Variants in FHOD3 observed in about 807,000 individuals in gnomAD.
The protein encoded by FHOD3 is FH1/FH2 domain-containing protein 3.
In FHOD3, 90 loss-of-function variants were observed where a neutral mutation model predicts 173.0. That is an observed-to-expected ratio of 0.52 (90% CI 0.44 to 0.62). The LOEUF (loss-of-function observed/expected upper bound fraction) is 0.62. Among genes scored for constraint, FHOD3 ranks in the 20% least tolerant of loss-of-function variants. The probability of loss-of-function intolerance (pLI) is 0.00; values close to 1 mark genes in which losing one functional copy is unlikely to be tolerated. For synonymous variants in FHOD3, 828 were observed against 823.0 expected (o/e 1.01, Z -0.10); for missense variants, 1,945 against 2,034.7 (o/e 0.96, Z 0.85).
intron 3 of FHOD3, among the ~76,000 whole-genome samples, chr18:36,475,776 A>G (rs952512737): frequency 4.0e-5 from 6 of 151,572 alleles, no homozygotes; most frequent in Admixed American, 1.3e-4. Context: ...ACACACACAC[A>G]CACACACACA....
intron 5 of FHOD3, among the ~76,000 whole-genome samples, chr18:36,571,409 G>A (rs1209111504): frequency 6.6e-6 from 1 of 152,164 alleles, no homozygotes; most frequent in Non-Finnish European, 1.5e-5. Flanking sequence ...GACATAACAG[G>A]TTTATAGGTT....
intron 6 of FHOD3, among the ~76,000 whole-genome samples, chr18:36,587,938 TTGCATTGTGTC>T (rs1368153975): frequency 6.6e-6 from 1 of 152,230 alleles, no homozygotes; most frequent in Admixed American, 6.5e-5. Context: ...CTTCTGCAAA[TTGCATTGTGTC>T]ATAAGCAGGT....
At chr18:36,305,173 TTC>T (rs1179216180) in intron 1 of FHOD3, among the ~76,000 whole-genome samples, 11 of 152,264 alleles carry the variant, frequency 7.2e-5, no homozygotes, top group African/African-American at 2.4e-4. Flanking sequence ...ACCCAGAAGT[TTC>T]TCTGTTTTTA....
intron 3 of FHOD3, among the ~76,000 whole-genome samples, chr18:36,413,302 G>A (rs1265824832): frequency 6.6e-6 from 1 of 152,200 alleles, no homozygotes; most frequent in Non-Finnish European, 1.5e-5. Flanking sequence ...CCTGTGTTCA[G>A]CTCCATCTCC....
chr18:36,582,034 T>TG (rs902083479), intron 6 of FHOD3, among the ~76,000 whole-genome samples: 9 of 152,142 alleles, frequency 5.9e-5, no homozygotes, highest in Non-Finnish European at 1.3e-4. Flanking sequence ...AATCAAAGGT[T>TG]GGGGGTCACA....
chr18:36,463,909 C>CT (rs1016768498), intron 3 of FHOD3, among the ~76,000 whole-genome samples: 2 of 152,068 alleles, frequency 1.3e-5, no homozygotes, highest in Non-Finnish European at 2.9e-5. Flanking sequence ...TTCTTTAAAA[C>CT]TTTTTTTTCT....
chr18:36,416,184 C>T (rs1568242047), intron 3 of FHOD3, among the ~76,000 whole-genome samples: 1 of 152,124 alleles, frequency 6.6e-6, no homozygotes, highest in Non-Finnish European at 1.5e-5. Context: ...AGGCGTGCAC[C>T]ATCACGCCCA....
intron 6 of FHOD3, among the ~76,000 whole-genome samples, chr18:36,584,307 T>C (rs1218560880): frequency 2.0e-5 from 3 of 152,204 alleles, no homozygotes; most frequent in Non-Finnish European, 2.9e-5. Flanking sequence ...AGAAAAGTTA[T>C]GGCGTGAAAG....
chr18:36,344,899 G>C (rs150895006), intron 1 of FHOD3, among the ~76,000 whole-genome samples: 1 of 152,128 alleles, frequency 6.6e-6, no homozygotes, highest in African/African-American at 2.4e-5. Context: ...AATAACAGAC[G>C]TACTCTTCAG....
intron 3 of FHOD3, among the ~76,000 whole-genome samples, chr18:36,463,044 A>G (rs943764629): frequency 2.6e-5 from 4 of 152,276 alleles, no homozygotes; most frequent in Non-Finnish European, 4.4e-5. Flanking sequence ...AATAAATAGT[A>G]ATGTCTCCAG....
chr18:36,435,546 T>C (rs1007688680), intron 3 of FHOD3, among the ~76,000 whole-genome samples: 1 of 152,152 alleles, frequency 6.6e-6, no homozygotes, highest in Non-Finnish European at 1.5e-5. Flanking sequence ...AATGTAAGAC[T>C]ACATCAAAAA....
chr18:36,337,523 C>A (rs1418410404), intron 1 of FHOD3, among the ~76,000 whole-genome samples: 1 of 152,170 alleles, frequency 6.6e-6, no homozygotes, highest in Non-Finnish European at 1.5e-5. Flanking sequence ...TTTTGCTGTC[C>A]CCTGCATGTG....
chr18:36,747,871 C>T (rs957342429), intron 24 of FHOD3, among the ~76,000 whole-genome samples: 5 of 152,236 alleles, frequency 3.3e-5, no homozygotes, highest in African/African-American at 7.2e-5. Context: ...TCACAGAACA[C>T]GGTTGAGGGA....
At chr18:36,706,439 G>A (rs1285284230) in intron 17 of FHOD3, among the ~76,000 whole-genome samples, 1 of 152,176 alleles carries the variant, frequency 6.6e-6, no homozygotes. Flanking sequence ...ATCACAAATT[G>A]AAATACCTGA....
intron 5 of FHOD3, among the ~76,000 whole-genome samples, chr18:36,525,645 T>C (rs566972779): frequency 6.6e-6 from 1 of 152,360 alleles, no homozygotes; most frequent in African/African-American, 2.4e-5. Context: ...AGAGGTCTTT[T>C]GTAGGGGAAT....
At chr18:36,650,294 G>A (rs889484856) in intron 11 of FHOD3, among the ~76,000 whole-genome samples, 1 of 151,858 alleles carries the variant, frequency 6.6e-6, no homozygotes, top group African/African-American at 2.4e-5. Flanking sequence ...ATTTAATGGA[G>A]TCTTTGCTAC....
Position 36,612,103 on chromosome 18 carries a change from AC to A in FHOD3, c.957+10del. 1.2e-6 allele frequency: 2 copies of A among 1,612,118 alleles called. No individual in the cohort carries two copies. The highest frequency in any genetic ancestry group is 1.7e-6 in the Non-Finnish European group (2 of 1,179,320). On this transcript the variant is annotated intron_variant, in intron 9 of 28. Transcript: ENST00000590592. ...CAACTCAACATTTATGAGGTACCAG[AC>A]CATGCCTTTTGTAAGGTATCGTACA...
chr18:36,452,922 A>G (rs1380204411), intron 3 of FHOD3, among the ~76,000 whole-genome samples: 1 of 151,982 alleles, frequency 6.6e-6, no homozygotes, highest in Non-Finnish European at 1.5e-5. Flanking sequence ...CCATTCACCC[A>G]TTGTTGAGCA....
intron 1 of FHOD3, among the ~76,000 whole-genome samples, chr18:36,335,625 A>T (rs1334671837): frequency 6.6e-6 from 1 of 152,210 alleles, no homozygotes; most frequent in African/African-American, 2.4e-5. Flanking sequence ...AGCTTGGCCT[A>T]GTAGAAATGG....
Sources: allele counts gnomAD v4.1 joint callset (sites outside exome capture counted in the v4.1 genomes callset), GRCh38; gene constraint gnomAD v4.1.1; transcripts MANE v1.5; gene names NCBI Gene and HGNC (gene_info 2026-07-23, HGNC 2026-07-21).